The following OR51G2 variants were observed in gnomAD, a reference collection of about 807,000 sequenced individuals.
OR51G2 encodes the protein olfactory receptor family 51 subfamily G member 2, also known as olfactory receptor 51G2.
OR51G2 carries 13 observed loss-of-function variants against 11.8 expected under a neutral mutation model. The ratio of observed to expected loss-of-function variants is 1.10; its 90% CI spans 0.72 to 1.76. OR51G2 has a LOEUF of 1.76. OR51G2 is among the 40% of genes most tolerant of loss of function. The pLI is 0.00. For missense variants in OR51G2, 474 were observed against 394.4 expected (o/e 1.20, Z -1.71); for synonymous variants, 178 against 151.9 (o/e 1.17, Z -1.26).
At position 4,915,510 on chromosome 11, in the gene OR51G2, A is replaced by G; in HGVS notation, c.154T>C (p.Phe52Leu). 6.2e-7 allele frequency: 1 copy of G among 1,614,150 alleles called. No homozygotes were observed. The highest frequency in any genetic ancestry group is 1.3e-5 in the African/African-American group (1 of 75,056). Residue 52 changes from phenylalanine (F) to leucine (L), a missense_variant, in exon 2 of 2, where the codon TTT becomes CTT. Transcript: ENST00000641926. The stretch of plus-strand genomic sequence containing the variant: ...AGTGAGCGCTCTGTTTTAATGATAA[A>G]AAGAATTGTGCAGTTGCCCGGGATG... ...VSIPGNCTIL[F>L]IIKTERSLHE...
intron 1 of OR51G2, among the ~76,000 whole-genome samples, chr11:4,917,172 A>T (rs1589938660): frequency 7.2e-5 from 11 of 152,058 alleles, no homozygotes; most frequent in Admixed American, 7.2e-4. Context: ...TGAATAAGTT[A>T]TTTTTTATTT....
At chr11:4,916,154 T>TA (rs5789343) in intron 1 of OR51G2, among the ~76,000 whole-genome samples, 66,514 of 146,524 alleles carry the variant, frequency 0.45, 14,874 homozygotes, top group East Asian at 0.68. Context: ...CAGTCTCTAC[T>TA]AAAAAAAAAA....
At position 4,913,123 on chromosome 11, in the gene OR51G2, G is replaced by A. The variant is rs1851017168; in HGVS notation, c.*1596C>T. The A allele has an allele frequency of 6.6e-6, 1 of 152,128 alleles. No homozygotes were observed. The highest frequency in any genetic ancestry group is 2.1e-4 in the South Asian group (1 of 4,820). 9.4% of individuals were successfully genotyped at this position (152,128 alleles called of 1,614,324 possible). A position where few individuals can be genotyped will look rare whatever the true frequency, so the allele number is the denominator to read the frequency against. On this transcript the variant is annotated 3_prime_UTR_variant, in exon 2 of 2. Coordinates refer to ENST00000641926, the MANE Select transcript of OR51G2 (RefSeq NM_001005238.2). ...CCTTCGGGGTCTGTGTTACTCAAAT[G>A]GTCATTCTCAACTTTGTGGCTAAAT...
At position 4,915,725 on chromosome 11, in the gene OR51G2, T is replaced by C; in HGVS notation, c.-62A>G. ...AAAATCCTGAAGTAAATTGAGGCAG[T>C]ACTGGTGATTGCACCTGGTGGAAAT... On this transcript the variant is annotated 5_prime_UTR_variant, in exon 2 of 2. Transcript: ENST00000641926. The C allele has an allele frequency of 9.1e-7, 1 of 1,096,750 alleles. No homozygotes were observed. Among genetic ancestry groups the C allele is most frequent in the South Asian group, 1.5e-5 (1 of 68,284 alleles). The allele number at this position is 1,096,750 out of a possible 1,614,324, so 67.9% of individuals were successfully genotyped here. A position where few individuals can be genotyped will look rare whatever the true frequency, so the allele number is the denominator to read the frequency against.
Position 4,913,343 on chromosome 11 carries a change from C to T in OR51G2, c.*1376G>A, listed in dbSNP as rs1227181473. On this transcript the variant is annotated 3_prime_UTR_variant, in exon 2 of 2. Transcript: ENST00000641926. ...CCTCAGGTGAGAACTGGTCCACATA[C>T]ACTTCATAGTAGAAGACATTGTGTT... is the stretch of plus-strand genomic sequence containing the variant. 1 of 152,158 alleles carries T rather than the reference C, an allele frequency of 6.6e-6. No homozygotes were observed. The highest frequency in any genetic ancestry group is 2.4e-5 in the African/African-American group (1 of 41,426). 9.4% of individuals were successfully genotyped at this position (152,158 alleles called of 1,614,324 possible). A position where few individuals can be genotyped will look rare whatever the true frequency, so the allele number is the denominator to read the frequency against.
chr11:4,918,565 T>TC (rs1851133523), intron 1 of OR51G2, among the ~76,000 whole-genome samples: 1 of 152,138 alleles, frequency 6.6e-6, no homozygotes. Flanking sequence ...CAGAGAGTTC[T>TC]TAGTATGATA....
In OR51G2 at chr11:4,915,350, T is replaced by G. The variant is rs1201974313; in HGVS notation, c.314A>C (p.Gln105Pro). The part of the protein sequence containing the change: ...REISHDACFA[Q>P]LFFIHCFSFL... The stretch of plus-strand genomic sequence containing the variant: ...GGAGAAGCAGTGAATGAAAAAGAGC[T>G]GAGCAAAGCAGGCATCATGGCTAAT... The change falls in exon 2 of 2, where the codon CAG becomes CCG. Residue 105 changes from glutamine to proline, a missense_variant. Gln to Pro is a moderately conservative substitution (Grantham distance 76). Transcript: ENST00000641926. 20 of 1,613,814 alleles carry G rather than the reference T, an allele frequency of 1.2e-5. No individual in the cohort carries two copies. The highest frequency in any genetic ancestry group is 1.7e-5 in the Non-Finnish European group (20 of 1,179,990).
In OR51G2 at chr11:4,915,533, A is replaced by G. The variant is rs781363047; in HGVS notation, c.131T>C (p.Ile44Thr). 1.2e-6 allele frequency: 2 copies of G among 1,614,104 alleles called. No individual in the cohort carries two copies. The highest frequency in any genetic ancestry group is 4.5e-5 in the East Asian group (2 of 44,856). ...AAAAAGAATTGTGCAGTTGCCCGGG[A>G]TGGAAACCAGATACATGAAGCACAG... is the stretch of plus-strand genomic sequence containing the variant. ...IPLCFMYLVS[I>T]PGNCTILFII... Residue 44 changes from isoleucine to threonine, a missense_variant, in exon 2 of 2, where the codon ATC becomes ACC. By Grantham distance (89) the Ile-to-Thr change is moderately conservative. Coordinates refer to ENST00000641926, the MANE Select transcript of OR51G2 (RefSeq NM_001005238.2).
At position 4,914,550 on chromosome 11, in the gene OR51G2, C is replaced by T. The variant is rs931096340; in HGVS notation, c.*169G>A. 1 of 573,578 alleles carries T rather than the reference C, an allele frequency of 1.7e-6. No individual in the cohort carries two copies. Among genetic ancestry groups the T allele is most frequent in the Non-Finnish European group, 3.1e-6 (1 of 323,308 alleles). 35.5% of individuals were successfully genotyped at this position (573,578 alleles called of 1,614,324 possible). A position where few individuals can be genotyped will look rare whatever the true frequency, so the allele number is the denominator to read the frequency against. ...CCACATCATATTACATTTTACCCCC[C>T]CCTGCCCTGGCCACAACAGAGTGAG... On this transcript the variant is annotated 3_prime_UTR_variant, in exon 2 of 2. Transcript: ENST00000641926.
At chr11:4,917,049 A>G (rs539028022) in intron 1 of OR51G2, among the ~76,000 whole-genome samples, 2 of 152,206 alleles carry the variant, frequency 1.3e-5, no homozygotes, top group Non-Finnish European at 2.9e-5. Flanking sequence ...CTCAATTAAT[A>G]TCACTGGAAT....
chr11:4,915,001 G>T lies in OR51G2; in HGVS notation c.663C>A (p.Phe221Leu). 4.3e-6 allele frequency: 7 copies of T among 1,614,130 alleles called. No homozygotes were observed. Among genetic ancestry groups the T allele is most frequent in the Non-Finnish European group, 5.9e-6 (7 of 1,180,020 alleles). ...CGGTGCGCAGGATCAGAGCATAAGA[G>T]AAGAGGATGAGCAGTGAGTCTATAC... ...TVGIDSLLILFSYALILRTVL... is the reference protein window; with the variant it reads ...TVGIDSLLILLSYALILRTVL... Residue 221 changes from phenylalanine (F) to leucine (L), a missense_variant, in exon 2 of 2, where the codon TTC (phenylalanine) becomes TTA (leucine). Phe to Leu is a conservative substitution (Grantham distance 22, BLOSUM62 0). Transcript: ENST00000641926.
Position 4,914,403 on chromosome 11 carries a change from A to G in OR51G2, c.*316T>C. 1 of 249,206 alleles carries G rather than the reference A, an allele frequency of 4.0e-6. No individual in the cohort carries two copies. The highest frequency in any genetic ancestry group is 7.7e-6 in the Non-Finnish European group (1 of 129,212). 15.4% of individuals were successfully genotyped at this position (249,206 alleles called of 1,614,324 possible). Reference sequence around the variant, plus strand: ...TACTCAATTCATGAGGCATTTACAAATTCTATCCAGTTTCAAGGGGAGAAG... The same window carrying G: ...TACTCAATTCATGAGGCATTTACAAGTTCTATCCAGTTTCAAGGGGAGAAG... On this transcript the variant is annotated 3_prime_UTR_variant, in exon 2 of 2. Transcript: ENST00000641926.
At position 4,914,844 on chromosome 11, in the gene OR51G2, G is replaced by A; in HGVS notation, c.820C>T (p.Pro274Ser). The change falls in exon 2 of 2, where the codon CCC becomes TCC. Residue 274 changes from proline (P) to serine (S), a missense_variant. By Grantham distance (74) the Pro-to-Ser change is moderately conservative. Coordinates refer to ENST00000641926, the MANE Select transcript of OR51G2 (RefSeq NM_001005238.2). ...CCCATGACCACCTGGACCAGGTGGG[G>A]TGCCTGCTTTCCAAAGCGATGGATG... ...SVIHRFGKQAPHLVQVVMGFM... is the reference protein window; with the variant it reads ...SVIHRFGKQASHLVQVVMGFM... 6.2e-7 allele frequency: 1 copy of A among 1,614,004 alleles called. No homozygotes were observed. Among genetic ancestry groups the A allele is most frequent in the East Asian group, 2.2e-5 (1 of 44,850 alleles).
At position 4,914,737 on chromosome 11, in the gene OR51G2, C is replaced by T. The variant is rs142193749; in HGVS notation, c.927G>A (p.Thr309=). The T allele has an allele frequency of 6.8e-5, 109 of 1,611,160 alleles. No homozygotes were observed. Among genetic ancestry groups the T allele is most frequent in the South Asian group, 5.5e-4 (50 of 90,904 alleles). ...VKTKQIRDRV[T]HAFCY is the part of the protein sequence containing the mutation. ...GACACAGTTAGTAACAAAAGGCATG[C>T]GTCACTCGATCCCGGATCTGTTTGG... The change falls in exon 2 of 2, where the codon ACG becomes ACA. Residue 309 remains threonine, a synonymous_variant. Transcript: ENST00000641926.
At chr11:4,915,819 G>T (rs770362362) in intron 1 of OR51G2, 80 bp from the exon 2 acceptor site, 140 of 523,912 alleles carry the variant, frequency 2.7e-4, no homozygotes, top group Middle Eastern at 1.5e-3. Context: ...TGTCTTTCTG[G>T]TCCTTGACTT....
chr11:4,916,512 A>G (rs992673405), intron 1 of OR51G2, among the ~76,000 whole-genome samples: 1 of 150,918 alleles, frequency 6.6e-6, no homozygotes, highest in African/African-American at 2.4e-5. Context: ...TCTTTGTTAT[A>G]GTTTTAGTTT....
In OR51G2 at chr11:4,915,332, C is replaced by T. The variant is rs367565540; in HGVS notation, c.332G>A (p.Cys111Tyr). The T allele has an allele frequency of 6.2e-7, 1 of 1,613,874 alleles. No individual in the cohort carries two copies. The highest frequency in any genetic ancestry group is 1.3e-5 in the African/African-American group (1 of 74,998). ...ACFAQLFFIH[C>Y]FSFLESSVLL... is the part of the protein sequence containing the mutation. ...CACAGAGGACTCGAGGAAGGAGAAG[C>T]AGTGAATGAAAAAGAGCTGAGCAAA... The change falls in exon 2 of 2, where the codon TGC becomes TAC. Residue 111 changes from cysteine (C) to tyrosine (Y), a missense_variant. By Grantham distance (194) the Cys-to-Tyr change is radical. Transcript: ENST00000641926.
At position 4,915,693 on chromosome 11, in the gene OR51G2, G is replaced by A. The variant is rs905794149; in HGVS notation, c.-30C>T. The A allele has an allele frequency of 1.9e-6, 3 of 1,540,160 alleles. No homozygotes were observed. The African/African-American group carries it at 4.1e-5, about 21-fold the overall frequency. On this transcript the variant is annotated 5_prime_UTR_variant, in exon 2 of 2. Coordinates refer to ENST00000641926, the MANE Select transcript of OR51G2 (RefSeq NM_001005238.2). ...TGAGGAGACAAGGGGGAAGGTGGGTGCCCTCCAAAATCCTGAAGTAAATTG... is the reference window on the plus strand; with the variant it reads ...TGAGGAGACAAGGGGGAAGGTGGGTACCCTCCAAAATCCTGAAGTAAATTG...
chr11:4,916,047 A>G (rs1420216946), intron 1 of OR51G2, among the ~76,000 whole-genome samples: 3 of 152,120 alleles, frequency 2.0e-5, no homozygotes, highest in African/African-American at 7.2e-5. Flanking sequence ...GGCCAGGTGC[A>G]GTGGCTCACG....
Sources: gnomAD v4.1 joint callset for allele counts (sites outside exome capture counted in the v4.1 genomes callset) on GRCh38, gnomAD v4.1.1 for gene constraint, MANE v1.5 for transcripts, NCBI Gene and HGNC (gene_info 2026-07-23, HGNC 2026-07-21) for gene names.